Variants in GNB4 observed in about 807,000 individuals in gnomAD.
The protein encoded by GNB4 is G protein subunit beta 4.
A neutral mutation model predicts 45.2 loss-of-function variants in GNB4; 28 were observed. That is an observed-to-expected ratio of 0.62 (90% CI 0.46 to 0.85). GNB4 has a LOEUF of 0.85. Among genes scored for constraint, GNB4 ranks in the 40% least tolerant of loss-of-function variants. The pLI is 0.00. For synonymous variants in GNB4, 132 were observed against 143.7 expected (o/e 0.92, Z 0.58); for missense variants, 321 against 425.4 (o/e 0.75, Z 2.16).
the GNB4 span, among the ~76,000 whole-genome samples, chr3:179,501,696 C>T: frequency 2.8e-4 from 42 of 152,284 alleles, no homozygotes; most frequent in African/African-American, 9.6e-4. Flanking sequence ...CAAAATTGAA[C>T]TCCTGGTAAA....
rs111565902 is a variant in GNB4 at position 179,448,957 on chromosome 3, A to G, written c.-43+2389T>C. ...ATAAAAAGAAATGAGGCAGTCACTGAAGCAGAACACTGGATCAAGAAACCA... is the reference window on the plus strand; with the variant it reads ...ATAAAAAGAAATGAGGCAGTCACTGGAGCAGAACACTGGATCAAGAAACCA... On this transcript the variant is annotated intron_variant, in intron 1 of 9. Coordinates refer to ENST00000232564, the MANE Select transcript of GNB4 (RefSeq NM_021629.4). Among the ~76,000 whole-genome samples, 5 of 152,330 alleles carry G rather than the reference A, an allele frequency of 3.3e-5. 1 individual carries two copies. Among genetic ancestry groups the G allele is most frequent in the African/African-American group, 1.2e-4 (5 of 41,576 alleles).
chr3:179,497,615 T>C, the GNB4 span, among the ~76,000 whole-genome samples: 1 of 152,008 alleles, frequency 6.6e-6, no homozygotes, highest in Non-Finnish European at 1.5e-5. Flanking sequence ...AATAGGGAGC[T>C]AACTTTCAAA....
intron 1 of GNB4, among the ~76,000 whole-genome samples, chr3:179,440,307 C>A (rs1177162157): frequency 1.3e-5 from 2 of 152,124 alleles, no homozygotes; most frequent in Non-Finnish European, 2.9e-5. Flanking sequence ...TAGTTAGGAA[C>A]CAAGCTGTCT....
intron 8 of GNB4, 62 bp from the exon 9 acceptor site, chr3:179,405,468 T>C: frequency 8.6e-7 from 1 of 1,158,272 alleles, no homozygotes; most frequent in South Asian, 1.5e-5. Context: ...GGAGGCAATG[T>C]AATAATAGAC....
chr3:179,400,241 G>T lies in GNB4; in HGVS notation c.*972C>A, dbSNP rs1418082466. On this transcript the variant is annotated 3_prime_UTR_variant, in exon 10 of 10. Transcript: ENST00000232564. ...CGTATTACAACAAATATGTGCTAGCGATTGGTTAGATTTCACACTTCTCTC... is the reference window on the plus strand; with the variant it reads ...CGTATTACAACAAATATGTGCTAGCTATTGGTTAGATTTCACACTTCTCTC... 1 of 152,168 alleles carries T rather than the reference G, an allele frequency of 6.6e-6. No individual in the cohort carries two copies. The highest frequency in any genetic ancestry group is 1.5e-5 in the Non-Finnish European group (1 of 68,038). The allele number at this position is 152,168 out of a possible 1,614,324, so 9.4% of individuals were successfully genotyped here.
At chr3:179,502,589 T>A in the GNB4 span, among the ~76,000 whole-genome samples, 480 of 152,208 alleles carry the variant, frequency 3.2e-3, 2 homozygotes, top group African/African-American at 0.011. Context: ...ATCTTCATCA[T>A]CATATTTTCT....
chr3:179,470,349 A>G, the GNB4 span, among the ~76,000 whole-genome samples: 6,919 of 152,112 alleles, frequency 0.045, 495 homozygotes, highest in African/African-American at 0.15. Flanking sequence ...GAAGCCTTCC[A>G]GTATAGATGG....
the GNB4 span, among the ~76,000 whole-genome samples, chr3:179,468,035 A>AAAAAAAATATATATATATATATATATAT: frequency 5.6e-5 from 5 of 89,862 alleles, no homozygotes; most frequent in African/African-American, 2.0e-4. Context: ...TGTTGATAAA[A>AAAAAAAATATATATATATATATATATAT]ATATATATAT....
Position 179,400,096 on chromosome 3 carries a change from G to A in GNB4, c.*1117C>T, listed in dbSNP as rs1301279371. On this transcript the variant is annotated 3_prime_UTR_variant, in exon 10 of 10. Transcript: ENST00000232564. ...AACCAGTATTTTGTGCTAAGGAAGG[G>A]AAGAAATACTACAAAATGTTGCAAA... 1 of 152,166 alleles carries A rather than the reference G, an allele frequency of 6.6e-6. No homozygotes were observed. The highest frequency in any genetic ancestry group is 2.4e-5 in the African/African-American group (1 of 41,450). The allele number at this position is 152,166 out of a possible 1,614,324, so 9.4% of individuals were successfully genotyped here. A position where few individuals can be genotyped will look rare whatever the true frequency, so the allele number is the denominator to read the frequency against.
At chr3:179,464,183 G>A in the GNB4 span, among the ~76,000 whole-genome samples, 12 of 152,296 alleles carry the variant, frequency 7.9e-5, no homozygotes, top group East Asian at 2.1e-3. Flanking sequence ...CTGGGGCTGG[G>A]TGCAGTGGCT....
At chr3:179,483,405 A>G in the GNB4 span, among the ~76,000 whole-genome samples, 1 of 152,110 alleles carries the variant, frequency 6.6e-6, no homozygotes, top group Non-Finnish European at 1.5e-5. Flanking sequence ...AATAGTATCA[A>G]TAATAAGATC....
chr3:179,419,191 G>GTT (rs1470143446), intron 4 of GNB4, among the ~76,000 whole-genome samples: 2 of 152,202 alleles, frequency 1.3e-5, no homozygotes, highest in African/African-American at 4.8e-5. Context: ...CTTCTGAACA[G>GTT]TTGTCCTGGA....
At chr3:179,456,725 C>T in the GNB4 span, among the ~76,000 whole-genome samples, 15 of 152,296 alleles carry the variant, frequency 9.8e-5, no homozygotes, top group Admixed American at 7.8e-4. Context: ...TTATAGTCAC[C>T]TCTCTTCCCT....
intron 5 of GNB4, 42 bp downstream of exon 5, chr3:179,416,447 CCAAA>C: frequency 1.7e-6 from 2 of 1,158,744 alleles, no homozygotes; most frequent in South Asian, 2.7e-5. Flanking sequence ...TGGTGAACAG[CCAAA>C]CAAATATAAG....
At chr3:179,413,025 C>G (rs1714694442) in intron 8 of GNB4, among the ~76,000 whole-genome samples, 1 of 151,758 alleles carries the variant, frequency 6.6e-6, no homozygotes, top group African/African-American at 2.4e-5. Context: ...ATAAAAAATA[C>G]AAAATTGGCC....
intron 1 of GNB4, among the ~76,000 whole-genome samples, chr3:179,445,685 T>C (rs1430973813): frequency 6.6e-6 from 1 of 152,252 alleles, no homozygotes; most frequent in East Asian, 1.9e-4. Context: ...AGAGTAGTTA[T>C]GATGCATTCA....
chr3:179,506,728 T>C, the GNB4 span, among the ~76,000 whole-genome samples: 1 of 152,180 alleles, frequency 6.6e-6, no homozygotes, highest in African/African-American at 2.4e-5. Flanking sequence ...TTCATGCTTC[T>C]CAAATCCTAG....
chr3:179,522,660 C>T, the GNB4 span, among the ~76,000 whole-genome samples: 9 of 151,900 alleles, frequency 5.9e-5, no homozygotes, highest in East Asian at 5.8e-4. Flanking sequence ...TGGTGAGTGG[C>T]GATTAGGCCT....
intron 8 of GNB4, among the ~76,000 whole-genome samples, chr3:179,412,316 A>AAAAAAAAC: frequency 6.8e-6 from 1 of 147,216 alleles, no homozygotes; most frequent in South Asian, 2.1e-4. Context: ...AAGATTAAAA[A>AAAAAAAAC]AAACAAACAA....
Sources: gnomAD v4.1 joint callset for allele counts (sites outside exome capture counted in the v4.1 genomes callset) on GRCh38, gnomAD v4.1.1 for gene constraint, MANE v1.5 for transcripts, NCBI Gene and HGNC (gene_info 2026-07-23, HGNC 2026-07-21) for gene names.